GPR141: variants seen among roughly 807,000 people sequenced by gnomAD.
GPR141 encodes the protein probable G protein-coupled receptor 141.
GPR141 carries 6 observed loss-of-function variants against 6.8 expected under a neutral mutation model. The ratio of observed to expected loss-of-function variants is 0.88; its 90% CI spans 0.48 to 1.74. The LOEUF (loss-of-function observed/expected upper bound fraction) is 1.74. GPR141 is among the 40% of genes most tolerant of loss of function. The probability of loss-of-function intolerance (pLI) is 0.01; values close to 1 mark genes in which losing one functional copy is unlikely to be tolerated. For missense variants in GPR141, 372 were observed against 372.9 expected, an observed-to-expected ratio of 1.00 and a Z score of 0.02; for synonymous variants, 140 against 142.3, an observed-to-expected ratio of 0.98 and a Z score of 0.11.
At chr7:37,738,362 C>A (rs546247967) in intron 2 of GPR141, among the ~76,000 whole-genome samples, 1 of 152,250 alleles carries the variant, frequency 6.6e-6, no homozygotes, top group East Asian at 1.9e-4. Flanking sequence ...TCCTACTAGG[C>A]CAATAGCCAA....
At chr7:37,695,213 A>G (rs1294175147) in intron 2 of GPR141, among the ~76,000 whole-genome samples, 1 of 152,156 alleles carries the variant, frequency 6.6e-6, no homozygotes, top group Non-Finnish European at 1.5e-5. Context: ...AGGCCACAGA[A>G]TGGGGGTGGT....
intron 2 of GPR141, among the ~76,000 whole-genome samples, chr7:37,725,840 GT>G (rs369088054): frequency 0.011 from 1,567 of 143,010 alleles, 23 homozygotes; most frequent in African/African-American, 0.035. Flanking sequence ...TGTTTGCTTT[GT>G]TTTTTTTTTT....
At chr7:37,730,071 C>A (rs1405657829) in intron 2 of GPR141, 9 of 152,240 alleles carry the variant, frequency 5.9e-5, no homozygotes, top group Admixed American at 3.3e-4. Flanking sequence ...ACACCAGCAT[C>A]ACTGGCTGGG....
Position 37,728,678 on chromosome 7 carries a change from G to T in GPR141, c.-14-11702G>T, listed in dbSNP as rs1357297524. Among the ~76,000 whole-genome samples the T allele has an allele frequency of 7.2e-4, 109 of 151,972 alleles. 1 individual carries two copies. The highest frequency in any genetic ancestry group is 2.8e-4 in the Non-Finnish European group (19 of 67,978). On this transcript the variant is annotated intron_variant, in intron 2 of 2. Coordinates refer to ENST00000334425, the MANE Select transcript of GPR141 (RefSeq NM_001381946.1). ...GTTGTGGGCAAGGCTTTGGGAAGGGGGTTGATAAGATACAAGGGAATAGCC... is the reference window on the plus strand; with the variant it reads ...GTTGTGGGCAAGGCTTTGGGAAGGGTGTTGATAAGATACAAGGGAATAGCC...
intron 2 of GPR141, among the ~76,000 whole-genome samples, chr7:37,726,755 G>A (rs1366552501): frequency 6.6e-6 from 1 of 152,118 alleles, no homozygotes; most frequent in African/African-American, 2.4e-5. Flanking sequence ...GTCAAGATCA[G>A]GAAAATAACA....
rs576728539 is a variant in GPR141 at position 37,742,901 on chromosome 7, C to T, written c.*1590C>T. 5.3e-5 allele frequency among the ~76,000 whole-genome samples: 8 copies of T among 152,158 alleles called. No homozygotes were observed. Among genetic ancestry groups the T allele is most frequent in the African/African-American group, 9.6e-5 (4 of 41,542 alleles). ...ATAATATGGATTTTCTTTCCAAATTCGGAATTACTTTTTGTAAAATTGTAT... is the reference window on the plus strand; with the variant it reads ...ATAATATGGATTTTCTTTCCAAATTTGGAATTACTTTTTGTAAAATTGTAT... On this transcript the variant is annotated 3_prime_UTR_variant, in exon 3 of 3. Coordinates refer to ENST00000334425, the MANE Select transcript of GPR141 (RefSeq NM_001381946.1).
intron 2 of GPR141, among the ~76,000 whole-genome samples, chr7:37,694,388 A>C (rs1384089038): frequency 1.3e-5 from 2 of 152,050 alleles, no homozygotes; most frequent in Admixed American, 1.3e-4. Flanking sequence ...AAGCAACTTC[A>C]CCAAGGCACC....
rs143636496 is a variant in GPR141 at position 37,690,496 on chromosome 7, T to C, written c.-15+4913T>C. Among the ~76,000 whole-genome samples the C allele has an allele frequency of 4.9e-3, 743 of 152,190 alleles. 7 individuals carry two copies. Among genetic ancestry groups the C allele is most frequent in the African/African-American group, 0.016 (679 of 41,510 alleles). On this transcript the variant is annotated intron_variant, in intron 2 of 2. Coordinates refer to ENST00000334425, the MANE Select transcript of GPR141 (RefSeq NM_001381946.1). ...CACAGTGAGTAAAATCTTCCTGAGG[T>C]CTCCCCAGAAGCAGATACTGGCACT...
At chr7:37,702,806 C>CA (rs959849960) in intron 2 of GPR141, among the ~76,000 whole-genome samples, 3 of 12,386 alleles carry the variant, frequency 2.4e-4, no homozygotes, top group Non-Finnish European at 2.6e-4. Context: ...CAGTTCAATT[C>CA]AAAAAAAAAA....
intron 2 of GPR141, among the ~76,000 whole-genome samples, chr7:37,698,681 G>T (rs1810137257): frequency 6.6e-6 from 1 of 152,174 alleles, no homozygotes; most frequent in African/African-American, 2.4e-5. Flanking sequence ...GTGGCCCAAT[G>T]ACCTTGTTTT....
At chr7:37,715,894 C>T (rs1004017797) in intron 2 of GPR141, among the ~76,000 whole-genome samples, 15 of 152,162 alleles carry the variant, frequency 9.9e-5, no homozygotes, top group Non-Finnish European at 7.3e-5. Context: ...CTTCCTGAAA[C>T]GAGTCCTGAA....
intron 2 of GPR141, chr7:37,709,721 T>C (rs1387130490): frequency 6.6e-6 from 1 of 152,244 alleles, no homozygotes; most frequent in Non-Finnish European, 1.5e-5. Context: ...ATTAAAGACA[T>C]GGATAAAAGA....
At position 37,705,824 on chromosome 7, in the gene GPR141, A is replaced by G. The variant is rs370565616; in HGVS notation, c.-15+20241A>G. ...TTGCAAAAGCTTCCCAGGCAATTCTATAGGGCAGCCACAGTTGATGCATCA... is the reference window on the plus strand; with the variant it reads ...TTGCAAAAGCTTCCCAGGCAATTCTGTAGGGCAGCCACAGTTGATGCATCA... On this transcript the variant is annotated intron_variant, in intron 2 of 2. Transcript: ENST00000334425. Among the ~76,000 whole-genome samples, 111 of 152,302 alleles carry G rather than the reference A, an allele frequency of 7.3e-4. 3 individuals carry two copies. In the South Asian group the frequency reaches 0.023, roughly 31 times the overall value.
At chr7:37,684,494 TTAAA>T (rs1372536945) in intron 1 of GPR141, among the ~76,000 whole-genome samples, 5 of 152,344 alleles carry the variant, frequency 3.3e-5, no homozygotes, top group African/African-American at 1.2e-4. Context: ...AAATAACTTC[TTAAA>T]TAAGATAAAT....
intron 2 of GPR141, among the ~76,000 whole-genome samples, chr7:37,717,926 G>A (rs1347477362): frequency 6.6e-6 from 1 of 152,138 alleles, no homozygotes; most frequent in Non-Finnish European, 1.5e-5. Context: ...TGTGATAAAT[G>A]TACCAGGAAG....
chr7:37,692,452 A>G (rs1809822362), intron 2 of GPR141, among the ~76,000 whole-genome samples: 1 of 152,236 alleles, frequency 6.6e-6, no homozygotes, highest in Non-Finnish European at 1.5e-5. Context: ...TGCAGCAATA[A>G]ACATACATGT....
chr7:37,732,088 A>G (rs1811981207), intron 2 of GPR141, among the ~76,000 whole-genome samples: 1 of 147,586 alleles, frequency 6.8e-6, no homozygotes, highest in African/African-American at 2.5e-5. Context: ...GTTCTAGGGT[A>G]CATGTGCACA....
At chr7:37,719,332 C>T (rs1193776900) in intron 2 of GPR141, among the ~76,000 whole-genome samples, 2 of 152,184 alleles carry the variant, frequency 1.3e-5, no homozygotes, top group Non-Finnish European at 2.9e-5. Context: ...GTCATCTTGT[C>T]TGACCATCAG....
chr7:37,722,359 G>A (rs1811373538), intron 2 of GPR141, among the ~76,000 whole-genome samples: 1 of 151,548 alleles, frequency 6.6e-6, no homozygotes, highest in African/African-American at 2.4e-5. Flanking sequence ...GGGAGGTTGA[G>A]GCAGGAGGAT....
Sources: allele counts gnomAD v4.1 joint callset (sites outside exome capture counted in the v4.1 genomes callset), GRCh38; gene constraint gnomAD v4.1.1; transcripts MANE v1.5; gene names NCBI Gene and HGNC (gene_info 2026-07-23, HGNC 2026-07-21).